The following N4BP2 variants were observed in gnomAD, a reference collection of about 807,000 sequenced individuals.
N4BP2 encodes the protein NEDD4 binding protein 2, also known as NEDD4-binding protein 2.
A neutral mutation model predicts 152.8 loss-of-function variants in N4BP2; 91 were observed. The observed-to-expected ratio is 0.60, with a 90% CI of 0.50 to 0.71. The LOEUF (loss-of-function observed/expected upper bound fraction) is 0.71. N4BP2 is among the 30% of genes least tolerant of loss of function. The probability of loss-of-function intolerance (pLI) is 0.00; values close to 1 mark genes in which losing one functional copy is unlikely to be tolerated. For synonymous variants in N4BP2, 646 were observed against 705.3 expected, an observed-to-expected ratio of 0.92 and a Z score of 1.33; for missense variants, 1,923 against 2,059.1, an observed-to-expected ratio of 0.93 and a Z score of 1.28.
At chr4:40,122,921 G>A (rs1176536052) in intron 9 of N4BP2, among the ~76,000 whole-genome samples, 2 of 152,192 alleles carry the variant, frequency 1.3e-5, no homozygotes, top group East Asian at 3.8e-4. Flanking sequence ...GTGAAGCTTT[G>A]TATAACTGCA....
At chr4:40,183,394 G>GGC in the N4BP2 span, among the ~76,000 whole-genome samples, 3 of 148,660 alleles carry the variant, frequency 2.0e-5, no homozygotes, top group Non-Finnish European at 4.4e-5. Context: ...GGAGTGCAGT[G>GGC]GCGCGATCTC....
intron 1 of N4BP2, among the ~76,000 whole-genome samples, chr4:40,068,856 C>A (rs1213750723): frequency 2.0e-5 from 3 of 151,816 alleles, no homozygotes; most frequent in Non-Finnish European, 4.4e-5. Context: ...CAGTGGCTCA[C>A]GCCTGTAATC....
intron 2 of N4BP2, among the ~76,000 whole-genome samples, chr4:40,078,392 C>T (rs1206053222): frequency 6.6e-6 from 1 of 152,104 alleles, no homozygotes; most frequent in East Asian, 1.9e-4. Flanking sequence ...CTGCCTCGGC[C>T]ACCCAAAGTG....
At chr4:40,059,321 T>C (rs1733474029) in intron 1 of N4BP2, among the ~76,000 whole-genome samples, 1 of 151,760 alleles carries the variant, frequency 6.6e-6, no homozygotes, top group Admixed American at 6.6e-5. Flanking sequence ...GAAGAATCAG[T>C]TGTCTATTAA....
chr4:40,059,715 A>G (rs528911843), intron 1 of N4BP2, among the ~76,000 whole-genome samples: 83 of 152,332 alleles, frequency 5.4e-4, no homozygotes, highest in African/African-American at 1.9e-3. Flanking sequence ...CAAGCCATGT[A>G]TCATTATCAA....
At chr4:40,183,323 A>G in the N4BP2 span, among the ~76,000 whole-genome samples, 1 of 150,702 alleles carries the variant, frequency 6.6e-6, no homozygotes. Context: ...GGTATTGGCT[A>G]AACTACTTTT....
At chr4:40,070,110 C>T (rs147697051) in intron 1 of N4BP2, among the ~76,000 whole-genome samples, 101 of 152,154 alleles carry the variant, frequency 6.6e-4, no homozygotes, top group African/African-American at 2.4e-3. Flanking sequence ...ACATTGAAAC[C>T]ACAGGTACCC....
intron 3 of N4BP2, among the ~76,000 whole-genome samples, chr4:40,097,806 G>C (rs1423802635): frequency 6.6e-6 from 1 of 152,166 alleles, no homozygotes; most frequent in African/African-American, 2.4e-5. Context: ...TATTTGTATA[G>C]ATAGCATATT....
At chr4:40,147,874 T>G (rs1040415463) in intron 16 of N4BP2, among the ~76,000 whole-genome samples, 2 of 139,748 alleles carry the variant, frequency 1.4e-5, no homozygotes, top group Non-Finnish European at 3.1e-5. Flanking sequence ...GCAGAGGCGC[T>G]CCTCACATCC....
chr4:40,094,211 G>C (rs1413635361), intron 2 of N4BP2, among the ~76,000 whole-genome samples: 2 of 152,162 alleles, frequency 1.3e-5, no homozygotes, highest in African/African-American at 2.4e-5. Context: ...AAACATACCT[G>C]TGTGATATCA....
rs1313242155 is a variant in N4BP2, at chr4:40,126,164, A to G, written c.4361A>G (p.Asp1454Gly). 1.9e-6 allele frequency: 3 copies of G among 1,603,588 alleles called. No individual in the cohort carries two copies. The highest frequency in any genetic ancestry group is 1.3e-5 in the African/African-American group (1 of 74,284). Residue 1454 changes from aspartate to glycine, a missense_variant, in exon 12 of 18, where the codon GAT (aspartate) becomes GGT (glycine). By Grantham distance (94) the Asp-to-Gly change is moderately conservative. Transcript: ENST00000261435. Reference protein sequence around the residue: ...DPSLVGHTGLDNPEQKSSQRT... With the variant: ...DPSLVGHTGLGNPEQKSSQRT... ...TCCTTGGTTGGACATACTGGGCTTG[A>G]TAATCCTGAACAAAAATCATCTCAG... is the stretch of plus-strand genomic sequence containing the variant.
chr4:40,116,595 T>C (rs764056874), intron 7 of N4BP2, among the ~76,000 whole-genome samples: 1 of 152,188 alleles, frequency 6.6e-6, no homozygotes, highest in Non-Finnish European at 1.5e-5. Context: ...TGCCTCCCTC[T>C]CAATTTACAT....
intron 1 of N4BP2, among the ~76,000 whole-genome samples, chr4:40,058,088 T>C (rs1733367486): frequency 6.6e-6 from 1 of 152,234 alleles, no homozygotes; most frequent in South Asian, 2.1e-4. Context: ...AAGAAAATCC[T>C]GGAGATGAAC....
In N4BP2 at chr4:40,083,258, C is replaced by T. The variant is rs368656540; in HGVS notation, c.-115+9707C>T. ...GTGGAAGCTGAAATTGGTGCAGCTG[C>T]TTTGGAAAACCGTTTGGCAGTTCCT... On this transcript the variant is annotated intron_variant, in intron 2 of 17. Transcript: ENST00000261435. Among the ~76,000 whole-genome samples, 29 of 152,284 alleles carry T rather than the reference C, an allele frequency of 1.9e-4. No individual in the cohort carries two copies. In the East Asian group the frequency reaches 3.3e-3, roughly 17 times the overall value.
intron 5 of N4BP2, among the ~76,000 whole-genome samples, chr4:40,110,343 C>T (rs1716752041): frequency 6.6e-6 from 1 of 152,196 alleles, no homozygotes; most frequent in Non-Finnish European, 1.5e-5. Context: ...GCAATCATAC[C>T]TTTTTATGTT....
Position 40,103,123 on chromosome 4 carries a change from A to G in N4BP2, c.1278A>G (p.Pro426=). The G allele has an allele frequency of 6.2e-7, 1 of 1,613,878 alleles. No individual in the cohort carries two copies. Among genetic ancestry groups the G allele is most frequent in the Non-Finnish European group, 8.5e-7 (1 of 1,179,726 alleles). The change falls in exon 4 of 18, where the codon CCA becomes CCG. Residue 426 remains proline (P), a synonymous_variant. Coordinates refer to ENST00000261435, the MANE Select transcript of N4BP2 (RefSeq NM_018177.6). ...GTGCTTATCAAGTACAAGAAACCCC[A>G]GTTTCTCAGGTTGTAAGAAAGAAGA... is the stretch of plus-strand genomic sequence containing the variant. ...GTSAYQVQET[P]VSQVVRKKTS... is the part of the protein sequence containing the mutation.
chr4:40,105,604 C>CAGTG (rs886086015), intron 4 of N4BP2, among the ~76,000 whole-genome samples: 1 of 150,882 alleles, frequency 6.6e-6, no homozygotes, highest in African/African-American at 2.4e-5. Context: ...GGCTGGAGTG[C>CAGTG]AGTGGCACGT....
rs566966470 is a variant in N4BP2 at position 40,116,292 on chromosome 4, A to T, written c.1665-1577A>T. 5.7e-4 allele frequency among the ~76,000 whole-genome samples: 87 copies of T among 152,164 alleles called. No individual in the cohort carries two copies. In the South Asian group the frequency reaches 0.013, roughly 23 times the overall value. ...TATGGTTATTTTGGTTATTCATATA[A>T]TTGATCTTGTTTCTTAGAATTATTC... is the stretch of plus-strand genomic sequence containing the variant. On this transcript the variant is annotated intron_variant, in intron 7 of 17. Transcript: ENST00000261435.
chr4:40,128,897 C>G, intron 12 of N4BP2, among the ~76,000 whole-genome samples: 1 of 152,064 alleles, frequency 6.6e-6, no homozygotes, highest in Middle Eastern at 3.2e-3. Context: ...TGGTGTGATA[C>G]TTTCTATTGA....
Sources: gnomAD v4.1 joint callset for allele counts (sites outside exome capture counted in the v4.1 genomes callset) on GRCh38, gnomAD v4.1.1 for gene constraint, MANE v1.5 for transcripts, NCBI Gene and HGNC (gene_info 2026-07-23, HGNC 2026-07-21) for gene names.